The following FAM107B variants were observed in gnomAD, a reference collection of about 807,000 sequenced individuals.
FAM107B encodes the protein protein FAM107B.
In FAM107B, 21 loss-of-function variants were observed where a neutral mutation model predicts 31.5. The observed-to-expected ratio is 0.67, with a 90% CI of 0.47 to 0.96. The LOEUF (loss-of-function observed/expected upper bound fraction) is 0.96, where lower values mean the gene tolerates loss of function less well. FAM107B is among the 40% of genes least tolerant of loss of function. FAM107B has a pLI of 0.00. For synonymous variants in FAM107B, 157 were observed against 141.5 expected (o/e 1.11, Z -0.78); for missense variants, 452 against 377.1 (o/e 1.20, Z -1.64).
chr10:14,577,008 T>C (rs962752800), intron 2 of FAM107B, among the ~76,000 whole-genome samples: 5 of 152,218 alleles, frequency 3.3e-5, no homozygotes, highest in African/African-American at 1.2e-4. Context: ...TGATCAATAA[T>C]TGTTTCTTCA....
intron 2 of FAM107B, among the ~76,000 whole-genome samples, chr10:14,563,686 A>G (rs1850428381): frequency 6.6e-6 from 1 of 152,234 alleles, no homozygotes; most frequent in Non-Finnish European, 1.5e-5. Context: ...AATGTCCGTA[A>G]TTATCTGAAA....
chr10:14,613,191 C>G (rs1373877783), intron 2 of FAM107B, among the ~76,000 whole-genome samples: 1 of 152,058 alleles, frequency 6.6e-6, no homozygotes, highest in Non-Finnish European at 1.5e-5. Context: ...AGGCTGGTCT[C>G]GAACTCCTGA....
intron 1 of FAM107B, among the ~76,000 whole-genome samples, chr10:14,766,575 G>T (rs2131595875): frequency 6.6e-6 from 1 of 152,194 alleles, no homozygotes; most frequent in African/African-American, 2.4e-5. Flanking sequence ...GGGAAATAGG[G>T]AGCATTTGGA....
intron 2 of FAM107B, among the ~76,000 whole-genome samples, chr10:14,582,901 C>G (rs1283479226): frequency 1.3e-5 from 2 of 151,932 alleles, no homozygotes; most frequent in Non-Finnish European, 1.5e-5. Flanking sequence ...GCCTGGCCAA[C>G]ATGGCAAAAC....
At chr10:14,653,241 T>G (rs918220170) in intron 2 of FAM107B, among the ~76,000 whole-genome samples, 1 of 152,264 alleles carries the variant, frequency 6.6e-6, no homozygotes, top group African/African-American at 2.4e-5. Flanking sequence ...CTGTTCTGTT[T>G]CCATGGCTCA....
chr10:14,637,947 C>G (rs1207644609), intron 2 of FAM107B, among the ~76,000 whole-genome samples: 1 of 152,144 alleles, frequency 6.6e-6, no homozygotes, highest in Non-Finnish European at 1.5e-5. Context: ...ATTTGAGACC[C>G]CAAGCAGACA....
chr10:14,543,601 C>T (rs1437930712), intron 2 of FAM107B, among the ~76,000 whole-genome samples: 1 of 150,902 alleles, frequency 6.6e-6, no homozygotes, highest in Non-Finnish European at 1.5e-5. Context: ...ACCATGCAGC[C>T]ACAATTCTCT....
chr10:14,587,435 C>G (rs1320153136), intron 2 of FAM107B, among the ~76,000 whole-genome samples: 1 of 152,170 alleles, frequency 6.6e-6, no homozygotes, highest in African/African-American at 2.4e-5. Context: ...ATGTGGACAA[C>G]AGACACAGTC....
chr10:14,649,263 A>G (rs1014563688), intron 2 of FAM107B, among the ~76,000 whole-genome samples: 2 of 152,366 alleles, frequency 1.3e-5, no homozygotes, highest in Admixed American at 1.3e-4. Flanking sequence ...GACCTGAAAG[A>G]AATCAAGATA....
intron 2 of FAM107B, among the ~76,000 whole-genome samples, chr10:14,633,064 T>C (rs1039016709): frequency 2.0e-5 from 3 of 151,984 alleles, no homozygotes; most frequent in Non-Finnish European, 4.4e-5. Context: ...CTGGGCGTAG[T>C]GGTGCATGCC....
intron 2 of FAM107B, among the ~76,000 whole-genome samples, chr10:14,620,595 A>G (rs1338812261): frequency 6.6e-6 from 1 of 152,090 alleles, no homozygotes; most frequent in African/African-American, 2.4e-5. Context: ...GGTTTCTTAC[A>G]TAGGTATACA....
At chr10:14,530,293 T>C in intron 3 of FAM107B, 39 bp downstream of exon 3, 1 of 1,566,640 alleles carries the variant, frequency 6.4e-7, no homozygotes, top group South Asian at 1.2e-5. Flanking sequence ...ATCTTAAAAG[T>C]CCTCTTAAAA....
Position 14,602,370 on chromosome 10 carries a change from T to G in FAM107B, c.469+65264A>C, listed in dbSNP as rs191746936. On this transcript the variant is annotated intron_variant, in intron 2 of 4. Transcript: ENST00000181796. ...AAACGGTTGTCTCAAAGACCTCTAT[T>G]TTGCATATTAGAGAATTCAAAAGTC... The G allele has an allele frequency of 1.1e-4, 16 of 152,330 alleles. No individual in the cohort carries two copies. In the East Asian group the frequency reaches 2.5e-3, roughly 24 times the overall value. The allele number at this position is 152,330 out of a possible 1,614,324, so 9.4% of individuals were successfully genotyped here.
chr10:14,579,928 A>G (rs1218342544), intron 2 of FAM107B, among the ~76,000 whole-genome samples: 2 of 152,142 alleles, frequency 1.3e-5, no homozygotes, highest in East Asian at 3.9e-4. Flanking sequence ...AGGCTGAGGC[A>G]GAAGAATTGC....
At chr10:14,708,597 C>T (rs1459322488) in intron 1 of FAM107B, among the ~76,000 whole-genome samples, 1 of 151,996 alleles carries the variant, frequency 6.6e-6, no homozygotes, top group East Asian at 1.9e-4. Context: ...GGGATCTTAA[C>T]CCAGTGGTAT....
chr10:14,586,777 C>T (rs1233688625), intron 2 of FAM107B, among the ~76,000 whole-genome samples: 2 of 152,262 alleles, frequency 1.3e-5, no homozygotes, highest in East Asian at 3.9e-4. Context: ...TACCTTTGAG[C>T]CCAGGGTCGC....
intron 2 of FAM107B, chr10:14,663,556 T>C (rs1265610217): frequency 3.3e-5 from 5 of 152,226 alleles, no homozygotes; most frequent in African/African-American, 7.2e-5. Context: ...GGGGTACCCA[T>C]TGACAGCAAA....
At chr10:14,549,454 G>A (rs898846074) in intron 2 of FAM107B, among the ~76,000 whole-genome samples, 1 of 152,254 alleles carries the variant, frequency 6.6e-6, no homozygotes, top group African/African-American at 2.4e-5. Context: ...TTCCATTTAT[G>A]TGAAGCCTCC....
intron 1 of FAM107B, among the ~76,000 whole-genome samples, chr10:14,747,208 G>C (rs926774590): frequency 6.6e-6 from 1 of 152,102 alleles, no homozygotes; most frequent in African/African-American, 2.4e-5. Flanking sequence ...TTTTATCGTG[G>C]TTCTTAGCTT....
Sources: gnomAD v4.1 joint callset for allele counts (sites outside exome capture counted in the v4.1 genomes callset) on GRCh38, gnomAD v4.1.1 for gene constraint, MANE v1.5 for transcripts, NCBI Gene and HGNC (gene_info 2026-07-23, HGNC 2026-07-21) for gene names.